SPATS2L: variants seen among roughly 807,000 people sequenced by gnomAD.
The protein encoded by SPATS2L is SPATS2-like protein.
A neutral mutation model predicts 59.6 loss-of-function variants in SPATS2L; 30 were observed. That is an observed-to-expected ratio of 0.50 (90% CI 0.38 to 0.68). SPATS2L has a LOEUF of 0.68. Ranked by LOEUF, SPATS2L falls within the 30% of genes least tolerant of loss-of-function variation. The pLI is 0.00. For missense variants in SPATS2L, 615 were observed against 700.0 expected (o/e 0.88, Z 1.37); for synonymous variants, 252 against 263.5 (o/e 0.96, Z 0.42).
At chr2:200,316,505 A>G (rs2079384188) in intron 1 of SPATS2L, among the ~76,000 whole-genome samples, 1 of 152,226 alleles carries the variant, frequency 6.6e-6, no homozygotes, top group Non-Finnish European at 1.5e-5. Flanking sequence ...CCCTTTCCAG[A>G]GGGCATACAG....
chr2:200,327,403 CA>C (rs34788019), intron 1 of SPATS2L, among the ~76,000 whole-genome samples: 18 of 147,340 alleles, frequency 1.2e-4, no homozygotes, highest in African/African-American at 2.5e-4. Flanking sequence ...GACTCCGTCT[CA>C]AAAAAAAAAA....
chr2:200,476,617 G>T lies in SPATS2L; in HGVS notation c.1282-1019G>T, dbSNP rs541408064. On this transcript the variant is annotated intron_variant, in intron 12 of 12. Coordinates refer to ENST00000409140, the MANE Select transcript of SPATS2L (RefSeq NM_001100423.2). ...GCTAGAGCAAGCACTTTTGGCCACC[G>T]GCAGGATCAAAACTCCATGCAGTCC... 2.7e-4 allele frequency among the ~76,000 whole-genome samples: 41 copies of T among 152,278 alleles called. No homozygotes were observed. In the South Asian group the frequency reaches 8.5e-3, roughly 32 times the overall value.
intron 2 of SPATS2L, among the ~76,000 whole-genome samples, chr2:200,385,046 A>T (rs1276450233): frequency 6.6e-6 from 1 of 152,224 alleles, no homozygotes; most frequent in Admixed American, 6.5e-5. Flanking sequence ...AACAAGGAGA[A>T]ACCAGGTTCT....
At chr2:200,406,756 G>T (rs2082701286) in intron 3 of SPATS2L, among the ~76,000 whole-genome samples, 1 of 152,222 alleles carries the variant, frequency 6.6e-6, no homozygotes, top group African/African-American at 2.4e-5. Context: ...AGTTTTGGCA[G>T]TGACCATATC....
intron 12 of SPATS2L, 132 bp from the exon 13 acceptor site, chr2:200,477,504 C>G: frequency 1.7e-6 from 1 of 595,330 alleles, no homozygotes; most frequent in East Asian, 3.4e-5. Flanking sequence ...TTTTCTGATT[C>G]TTCTGGTGTA....
At chr2:200,307,838 G>C (rs753994007) in intron 1 of SPATS2L, among the ~76,000 whole-genome samples, 1 of 152,190 alleles carries the variant, frequency 6.6e-6, no homozygotes, top group Non-Finnish European at 1.5e-5. Flanking sequence ...GCAGATGTCG[G>C]GGTTTTGGAG....
Position 200,352,371 on chromosome 2 carries a change from A to G in SPATS2L, c.-23+22891A>G, listed in dbSNP as rs975491947. Reference sequence around the variant, plus strand: ...TATATATATATATATATATATATATATGGTAAACAAGCTCGATTTTCTCTC... The same window carrying G: ...TATATATATATATATATATATATATGTGGTAAACAAGCTCGATTTTCTCTC... On this transcript the variant is annotated intron_variant, in intron 2 of 12. Transcript: ENST00000409140. Among the ~76,000 whole-genome samples the G allele has an allele frequency of 6.7e-4, 90 of 134,294 alleles. 4 individuals are homozygous for G. Among genetic ancestry groups the G allele is most frequent in the African/African-American group, 2.8e-3 (86 of 30,612 alleles). 88.1% of individuals were successfully genotyped at this position (134,294 alleles called of 152,430 possible). A position where few individuals can be genotyped will look rare whatever the true frequency, so the allele number is the denominator to read the frequency against.
At chr2:200,399,154 G>A (rs1330509364) in intron 3 of SPATS2L, among the ~76,000 whole-genome samples, 1 of 152,046 alleles carries the variant, frequency 6.6e-6, no homozygotes, top group Non-Finnish European at 1.5e-5. Flanking sequence ...TAGTCATAGG[G>A]ACAGTGCCTC....
At chr2:200,394,979 A>G (rs2082286566) in intron 3 of SPATS2L, among the ~76,000 whole-genome samples, 1 of 152,222 alleles carries the variant, frequency 6.6e-6, no homozygotes, top group South Asian at 2.1e-4. Flanking sequence ...AAGGTGAGCT[A>G]TCAGAACAAA....
chr2:200,314,949 CAT>C (rs1043072371), intron 1 of SPATS2L, among the ~76,000 whole-genome samples: 2 of 152,218 alleles, frequency 1.3e-5, no homozygotes, highest in African/African-American at 4.8e-5. Flanking sequence ...ATTAATTTCA[CAT>C]ATTTCTTTTT....
chr2:200,383,974 A>G, intron 2 of SPATS2L: 1 of 1,002,390 alleles, frequency 1.0e-6, no homozygotes, highest in South Asian at 4.7e-5. Context: ...ACAATCAAAC[A>G]GGAGGGAGAA....
chr2:200,437,068 C>G (rs1298020662), intron 6 of SPATS2L, among the ~76,000 whole-genome samples: 2 of 152,178 alleles, frequency 1.3e-5, no homozygotes, highest in Non-Finnish European at 2.9e-5. Context: ...TTGTAAGCTT[C>G]CTGAGGCCCT....
At chr2:200,351,464 A>G (rs1485734960) in intron 2 of SPATS2L, among the ~76,000 whole-genome samples, 2 of 152,212 alleles carry the variant, frequency 1.3e-5, no homozygotes, top group Non-Finnish European at 2.9e-5. Flanking sequence ...TGTTTTGCCG[A>G]GAACTAAACT....
chr2:200,372,771 C>T (rs1277582807), intron 2 of SPATS2L, among the ~76,000 whole-genome samples: 1 of 152,044 alleles, frequency 6.6e-6, no homozygotes, highest in East Asian at 1.9e-4. Flanking sequence ...AGCTCTGGGA[C>T]CTGGGCCTTA....
chr2:200,455,001 G>C (rs1349969248), intron 8 of SPATS2L, among the ~76,000 whole-genome samples: 1 of 152,204 alleles, frequency 6.6e-6, no homozygotes, highest in Non-Finnish European at 1.5e-5. Context: ...CAAACTGCCT[G>C]TTTTGACTCA....
chr2:200,385,710 T>C (rs1001547346), intron 2 of SPATS2L, among the ~76,000 whole-genome samples: 6 of 152,136 alleles, frequency 3.9e-5, no homozygotes, highest in Non-Finnish European at 8.8e-5. Context: ...TTTTTTTTTT[T>C]TAGATGGAGT....
chr2:200,473,127 T>C (rs999199131), intron 12 of SPATS2L, 75 bp downstream of exon 12: 12 of 1,387,122 alleles, frequency 8.7e-6, no homozygotes, highest in Middle Eastern at 2.5e-4. Context: ...AAACAGCAAC[T>C]ACTAGATTCT....
At chr2:200,432,899 A>G (rs2084032596) in intron 6 of SPATS2L, among the ~76,000 whole-genome samples, 1 of 152,194 alleles carries the variant, frequency 6.6e-6, no homozygotes, top group African/African-American at 2.4e-5. Flanking sequence ...AGAGAGAAAA[A>G]AAGTAAAAGA....
upstream of SPATS2L, chr2:200,305,985 G>A (rs2079002054): frequency 1.0e-6 from 1 of 964,742 alleles, no homozygotes; most frequent in African/African-American, 1.8e-5. Context: ...TGTACTCCCA[G>A]GCAGAAACCC....
Sources: allele counts gnomAD v4.1 joint callset (sites outside exome capture counted in the v4.1 genomes callset), GRCh38; gene constraint gnomAD v4.1.1; transcripts MANE v1.5; gene names NCBI Gene and HGNC (gene_info 2026-07-23, HGNC 2026-07-21).